Variants in PARD3 observed in about 807,000 individuals in gnomAD.
The protein encoded by PARD3 is partitioning defective 3 homolog.
A neutral mutation model predicts 155.4 loss-of-function variants in PARD3; 75 were observed. The ratio of observed to expected loss-of-function variants is 0.48; its 90% confidence interval spans 0.40 to 0.58. The LOEUF (loss-of-function observed/expected upper bound fraction) is 0.58. Ranked by LOEUF, PARD3 falls within the 20% of genes least tolerant of loss-of-function variation. PARD3 has a pLI of 0.00. For missense variants in PARD3, 1,642 were observed against 1,721.7 expected, an observed-to-expected ratio of 0.95 and a Z score of 0.82; for synonymous variants, 576 against 610.5, an observed-to-expected ratio of 0.94 and a Z score of 0.83.
rs1040540770 is a variant in PARD3, at chr10:34,696,210, T to C, written c.222+108A>G. 3.6e-5 allele frequency: 24 copies of C among 665,090 alleles called. No individual in the cohort carries two copies. The African/African-American group carries it at 4.2e-4, about 12-fold the overall frequency. 41.2% of individuals were successfully genotyped at this position (665,090 alleles called of 1,614,324 possible). On this transcript the variant is annotated intron_variant, in intron 2 of 24. Transcript: ENST00000374788. ...TATACTAGAGTGGGTGGCCCACACA[T>C]AATTTAAAGTATGTGTCTAAAACAG... is the stretch of plus-strand genomic sequence containing the variant.
chr10:34,133,750 T>C (rs1692710), intron 22 of PARD3, among the ~76,000 whole-genome samples: 75,665 of 151,954 alleles, frequency 0.5, 20,114 homozygotes, highest in Non-Finnish European at 0.6. Context: ...TTGAAGAATC[T>C]CAAAGGTTTA....
chr10:34,713,525 C>T (rs1422140155), intron 1 of PARD3, among the ~76,000 whole-genome samples: 1 of 152,000 alleles, frequency 6.6e-6, no homozygotes, highest in Non-Finnish European at 1.5e-5. Flanking sequence ...TTTGGGAGGC[C>T]AAGGCGGGAG....
intron 2 of PARD3, among the ~76,000 whole-genome samples, chr10:34,555,366 T>C (rs1010288836): frequency 1.3e-5 from 2 of 152,218 alleles, no homozygotes; most frequent in Non-Finnish European, 2.9e-5. Flanking sequence ...AACAGAATGA[T>C]ACAATCACTT....
At chr10:34,405,018 T>A (rs1469688873) in intron 5 of PARD3, among the ~76,000 whole-genome samples, 2 of 151,668 alleles carry the variant, frequency 1.3e-5, no homozygotes, top group East Asian at 3.9e-4. Context: ...CAGTAAGCTA[T>A]GACCATGCAT....
chr10:34,624,338 A>G (rs1440326182), intron 2 of PARD3, among the ~76,000 whole-genome samples: 1 of 152,228 alleles, frequency 6.6e-6, no homozygotes, highest in East Asian at 1.9e-4. Flanking sequence ...GCTGTGAGGA[A>G]AGAACTTATT....
At chr10:34,381,822 T>G (rs531646348) in intron 9 of PARD3, among the ~76,000 whole-genome samples, 1 of 147,422 alleles carries the variant, frequency 6.8e-6, no homozygotes, top group East Asian at 2.0e-4. Context: ...GTCACAGCAC[T>G]TGGAAGGCTG....
chr10:34,399,455 T>C, intron 6 of PARD3, 42 bp from the exon 7 acceptor site: 1 of 1,326,410 alleles, frequency 7.5e-7, no homozygotes, highest in Non-Finnish European at 1.1e-6. Context: ...ACGTGTACTG[T>C]AAACAAACCA....
chr10:34,274,420 A>G (rs559578563), intron 21 of PARD3, among the ~76,000 whole-genome samples: 26 of 152,246 alleles, frequency 1.7e-4, no homozygotes, highest in Admixed American at 1.5e-3. Context: ...TGTCTTTTTG[A>G]CTCTTGATTT....
intron 15 of PARD3, chr10:34,345,635 A>G (rs1837336793): frequency 3.0e-6 from 3 of 985,382 alleles, no homozygotes; most frequent in South Asian, 9.4e-5. Flanking sequence ...CCAAAGTCCT[A>G]ATGTCTTTGG....
chr10:34,343,796 A>C, intron 15 of PARD3: 1 of 979,692 alleles, frequency 1.0e-6, no homozygotes, highest in Non-Finnish European at 1.2e-6. Flanking sequence ...CTCTATCTTC[A>C]ACTAGTTAAC....
At chr10:34,111,982 G>T (rs1588792446) in intron 24 of PARD3, among the ~76,000 whole-genome samples, 1 of 152,188 alleles carries the variant, frequency 6.6e-6, no homozygotes, top group African/African-American at 2.4e-5. Flanking sequence ...TTCTAAACAA[G>T]CACAACAAAT....
chr10:34,445,492 A>G (rs1243794900), intron 5 of PARD3, among the ~76,000 whole-genome samples: 1 of 152,214 alleles, frequency 6.6e-6, no homozygotes, highest in African/African-American at 2.4e-5. Flanking sequence ...CTTATGCCAA[A>G]GAAGATGTTT....
chr10:34,787,539 A>G (rs1205302274), intron 1 of PARD3, among the ~76,000 whole-genome samples: 1 of 152,192 alleles, frequency 6.6e-6, no homozygotes, highest in Non-Finnish European at 1.5e-5. Flanking sequence ...AGCTGGTCTC[A>G]GTAAGGCTGC....
intron 22 of PARD3, among the ~76,000 whole-genome samples, chr10:34,263,277 C>T (rs576600250): frequency 7.5e-4 from 115 of 152,326 alleles, no homozygotes; most frequent in African/African-American, 2.5e-3. Flanking sequence ...GTTAATCCTT[C>T]CCAAACCTAA....
intron 1 of PARD3, among the ~76,000 whole-genome samples, chr10:34,797,247 C>T (rs1426928866): frequency 6.6e-6 from 1 of 152,154 alleles, no homozygotes; most frequent in Non-Finnish European, 1.5e-5. Flanking sequence ...AACTCTTGGG[C>T]TCAAGCGATT....
chr10:34,453,209 A>G (rs2077153669), intron 4 of PARD3, among the ~76,000 whole-genome samples: 1 of 152,204 alleles, frequency 6.6e-6, no homozygotes, highest in Non-Finnish European at 1.5e-5. Context: ...TACTTCCAAC[A>G]TCATTTCTTC....
chr10:34,327,997 C>T (rs1345934485), intron 19 of PARD3, among the ~76,000 whole-genome samples: 1 of 152,030 alleles, frequency 6.6e-6, no homozygotes, highest in East Asian at 1.9e-4. Context: ...CTGTGCAGGT[C>T]CACAAGCCAG....
chr10:34,426,674 T>C (rs1012403258), intron 5 of PARD3: 8 of 152,202 alleles, frequency 5.3e-5, no homozygotes, highest in African/African-American at 1.9e-4. Flanking sequence ...GTCCTTTTTC[T>C]TCACAAGTAC....
At chr10:34,814,623 C>T (rs928070250) in intron 1 of PARD3, among the ~76,000 whole-genome samples, 3 of 151,888 alleles carry the variant, frequency 2.0e-5, no homozygotes, top group African/African-American at 7.2e-5. Flanking sequence ...CTACCGAGGC[C>T]GGAGCTCCCG....
Sources: gnomAD v4.1 joint callset for allele counts (sites outside exome capture counted in the v4.1 genomes callset) on GRCh38, gnomAD v4.1.1 for gene constraint, MANE v1.5 for transcripts, NCBI Gene and HGNC (gene_info 2026-07-23, HGNC 2026-07-21) for gene names.